FBXL7: variants seen among roughly 807,000 people sequenced by gnomAD.
FBXL7 encodes F-box/LRR-repeat protein 7.
In FBXL7, 12 loss-of-function variants were observed where a neutral mutation model predicts 38.3. The ratio of observed to expected loss-of-function variants is 0.31; its 90% CI spans 0.20 to 0.51. The LOEUF is 0.51. FBXL7 is among the 20% of genes least tolerant of loss of function. The pLI is 0.98. For synonymous variants in FBXL7, 297 were observed against 300.9 expected (o/e 0.99, Z 0.13); for missense variants, 567 against 676.4 (o/e 0.84, Z 1.79).
At chr5:15,935,700 G>T (rs1035700097) in intron 3 of FBXL7, among the ~76,000 whole-genome samples, 1 of 152,210 alleles carries the variant, frequency 6.6e-6, no homozygotes, top group Admixed American at 6.5e-5. Flanking sequence ...AAGAGAGTTG[G>T]ATTGACTCAG....
chr5:15,880,628 C>T (rs1740406017), intron 2 of FBXL7, among the ~76,000 whole-genome samples: 1 of 151,012 alleles, frequency 6.6e-6, no homozygotes, highest in Non-Finnish European at 1.5e-5. Flanking sequence ...GCAAAACTAT[C>T]AGGCTACAAT....
intron 2 of FBXL7, among the ~76,000 whole-genome samples, chr5:15,856,424 G>A (rs1170661461): frequency 6.6e-6 from 1 of 151,842 alleles, no homozygotes; most frequent in Non-Finnish European, 1.5e-5. Context: ...GGTGGGAGAG[G>A]ATCAGGAAAA....
At chr5:15,628,293 AAG>A (rs1465281549) in intron 2 of FBXL7, among the ~76,000 whole-genome samples, 1 of 151,962 alleles carries the variant, frequency 6.6e-6, no homozygotes, top group Non-Finnish European at 1.5e-5. Flanking sequence ...CTCTGCCCAG[AAG>A]AGAGATTCTG....
intron 1 of FBXL7, among the ~76,000 whole-genome samples, chr5:15,502,639 A>G (rs1217175435): frequency 6.6e-6 from 1 of 152,198 alleles, no homozygotes; most frequent in African/African-American, 2.4e-5. Flanking sequence ...ATGCATCGAG[A>G]TTCCTCTGTT....
rs552493962 is a variant in FBXL7, at chr5:15,742,090, T to A, written c.127+126018T>A. ...TGTATTTCTGCTTAATGGACACTTTTGGCTGTTTTTAGAGATGTTTTTATC... is the reference window on the plus strand; with the variant it reads ...TGTATTTCTGCTTAATGGACACTTTAGGCTGTTTTTAGAGATGTTTTTATC... On this transcript the variant is annotated intron_variant, in intron 2 of 3. Coordinates refer to ENST00000504595, the MANE Select transcript of FBXL7 (RefSeq NM_012304.5). Among the ~76,000 whole-genome samples, 3 of 152,214 alleles carry A rather than the reference T, an allele frequency of 2.0e-5. No homozygotes were observed. In the South Asian group the frequency reaches 6.2e-4, roughly 32 times the overall value.
In FBXL7 at chr5:15,526,369, T is replaced by G. The variant is rs189552733; in HGVS notation, c.37+25656T>G. ...CAGAAACCCTCCTGAGGATTCTGTGTCAGGGTAGCTCATTCACATACACCT... is the reference window on the plus strand; with the variant it reads ...CAGAAACCCTCCTGAGGATTCTGTGGCAGGGTAGCTCATTCACATACACCT... On this transcript the variant is annotated intron_variant, in intron 1 of 3. Coordinates refer to ENST00000504595, the MANE Select transcript of FBXL7 (RefSeq NM_012304.5). 9.2e-5 allele frequency among the ~76,000 whole-genome samples: 14 copies of G among 152,248 alleles called. No individual in the cohort carries two copies. In the East Asian group the frequency reaches 2.7e-3, roughly 29 times the overall value.
chr5:15,744,287 G>T lies in FBXL7; in HGVS notation c.127+128215G>T, dbSNP rs548582231. On this transcript the variant is annotated intron_variant, in intron 2 of 3. Coordinates refer to ENST00000504595, the MANE Select transcript of FBXL7 (RefSeq NM_012304.5). The stretch of plus-strand genomic sequence containing the variant: ...ACGTTGCCACTTAGAAATTTCTTCT[G>T]CCAGGTACCCTAAATCATCTGTCTC... Among the ~76,000 whole-genome samples the T allele has an allele frequency of 8.6e-4, 130 of 151,616 alleles. 1 individual carries two copies. Among genetic ancestry groups the T allele is most frequent in the Non-Finnish European group, 1.6e-3 (107 of 67,932 alleles).
intron 1 of FBXL7, among the ~76,000 whole-genome samples, chr5:15,521,461 G>C (rs2126374639): frequency 6.6e-6 from 1 of 152,264 alleles, no homozygotes; most frequent in Non-Finnish European, 1.5e-5. Flanking sequence ...GGATGTTACT[G>C]GTATTGTCAT....
At chr5:15,684,363 G>C (rs1165277951) in intron 2 of FBXL7, among the ~76,000 whole-genome samples, 1 of 152,142 alleles carries the variant, frequency 6.6e-6, no homozygotes, top group Non-Finnish European at 1.5e-5. Flanking sequence ...GTAGGGTATG[G>C]GGGACACATA....
chr5:15,718,850 T>A (rs945671951), intron 2 of FBXL7, among the ~76,000 whole-genome samples: 2 of 152,226 alleles, frequency 1.3e-5, no homozygotes, highest in Admixed American at 1.3e-4. Flanking sequence ...CAAAAGACCT[T>A]CACCGTCATT....
At chr5:15,766,938 A>T (rs1446559276) in intron 2 of FBXL7, among the ~76,000 whole-genome samples, 2 of 152,232 alleles carry the variant, frequency 1.3e-5, no homozygotes, top group Non-Finnish European at 2.9e-5. Flanking sequence ...TTTCCTTGTC[A>T]CACCACTAGT....
At chr5:15,742,006 A>G (rs112792463) in intron 2 of FBXL7, among the ~76,000 whole-genome samples, 326 of 152,284 alleles carry the variant, frequency 2.1e-3, no homozygotes, top group African/African-American at 7.3e-3. Context: ...TGTTGGTGCC[A>G]ATTCACTGTC....
intron 1 of FBXL7, among the ~76,000 whole-genome samples, chr5:15,514,237 T>C (rs1282027882): frequency 6.6e-6 from 1 of 152,206 alleles, no homozygotes; most frequent in Non-Finnish European, 1.5e-5. Context: ...AATGTTGAAA[T>C]TCCCAAGTTG....
intron 2 of FBXL7, among the ~76,000 whole-genome samples, chr5:15,877,316 T>C (rs1392306125): frequency 6.6e-6 from 1 of 152,230 alleles, no homozygotes; most frequent in African/African-American, 2.4e-5. Flanking sequence ...GGAAAGCTCT[T>C]GCTCAGTCAC....
At chr5:15,801,975 GT>G (rs1737581974) in intron 2 of FBXL7, among the ~76,000 whole-genome samples, 1 of 152,070 alleles carries the variant, frequency 6.6e-6, no homozygotes, top group African/African-American at 2.4e-5. Context: ...GGCATACTTA[GT>G]CTGATGGGGT....
chr5:15,756,145 A>C (rs2126692107), intron 2 of FBXL7, among the ~76,000 whole-genome samples: 1 of 152,320 alleles, frequency 6.6e-6, no homozygotes, highest in African/African-American at 2.4e-5. Context: ...GTGTTTCTGA[A>C]ATCTAAAAAA....
intron 2 of FBXL7, among the ~76,000 whole-genome samples, chr5:15,876,488 G>A (rs1740213336): frequency 6.6e-6 from 1 of 151,974 alleles, no homozygotes; most frequent in South Asian, 2.1e-4. Context: ...CATTTTAGTT[G>A]ATTAATTTAT....
At chr5:15,529,259 T>A (rs916735611) in intron 1 of FBXL7, among the ~76,000 whole-genome samples, 1 of 152,232 alleles carries the variant, frequency 6.6e-6, no homozygotes, top group Non-Finnish European at 1.5e-5. Context: ...TGCATTCTTT[T>A]GAAAGGCTGA....
chr5:15,764,501 C>T (rs1046789003), intron 2 of FBXL7, among the ~76,000 whole-genome samples: 1 of 152,104 alleles, frequency 6.6e-6, no homozygotes, highest in Admixed American at 6.6e-5. Flanking sequence ...ACAGAGGCCT[C>T]TAGGATCCAT....
Sources: gnomAD v4.1 joint callset for allele counts (sites outside exome capture counted in the v4.1 genomes callset) on GRCh38, gnomAD v4.1.1 for gene constraint, MANE v1.5 for transcripts, NCBI Gene and HGNC (gene_info 2026-07-23, HGNC 2026-07-21) for gene names.